Variants in NUP210L observed in about 807,000 individuals in gnomAD.
The protein encoded by NUP210L is nucleoporin 210 like, also known as nuclear pore membrane glycoprotein 210-like.
In NUP210L, 74 loss-of-function variants were observed where a neutral mutation model predicts 208.5. The ratio of observed to expected loss-of-function variants is 0.35; its 90% confidence interval spans 0.29 to 0.43. The LOEUF is 0.43. NUP210L is among the 20% of genes least tolerant of loss of function. NUP210L has a pLI of 1.00. For synonymous variants in NUP210L, 780 were observed against 816.9 expected (o/e 0.95, Z 0.77); for missense variants, 1,843 against 2,289.4 (o/e 0.81, Z 3.98).
At chr1:154,074,551 C>T (rs1258202486) in intron 16 of NUP210L, among the ~76,000 whole-genome samples, 4 of 149,286 alleles carry the variant, frequency 2.7e-5, no homozygotes, top group Admixed American at 6.7e-5. Context: ...TGCAGTGGCA[C>T]GATCTCGGCT....
At chr1:154,050,019 C>T (rs774433360) in intron 25 of NUP210L, among the ~76,000 whole-genome samples, 18 of 152,190 alleles carry the variant, frequency 1.2e-4, no homozygotes, top group African/African-American at 2.4e-4. Context: ...CTTATATGGA[C>T]GATATACTTT....
At chr1:154,009,790 C>A in intron 35 of NUP210L, among the ~76,000 whole-genome samples, 182 bp downstream of exon 35, 2 of 134,040 alleles carry the variant, frequency 1.5e-5, no homozygotes, top group African/African-American at 2.8e-5. Context: ...AAGACCCAGT[C>A]TCAAAAAAAA....
chr1:154,154,482 A>T (rs1322745882), intron 1 of NUP210L, among the ~76,000 whole-genome samples: 1 of 152,126 alleles, frequency 6.6e-6, no homozygotes, highest in Non-Finnish European at 1.5e-5. Context: ...AGTTGTTTAC[A>T]TTGGAAGTCA....
intron 15 of NUP210L, among the ~76,000 whole-genome samples, chr1:154,090,529 G>A (rs1402025038): frequency 6.6e-6 from 1 of 152,156 alleles, no homozygotes; most frequent in Non-Finnish European, 1.5e-5. Flanking sequence ...AATGGGCAAA[G>A]GCCCAGTGCG....
intron 12 of NUP210L, among the ~76,000 whole-genome samples, chr1:154,107,880 G>T (rs1656849790): frequency 6.6e-6 from 1 of 151,678 alleles, no homozygotes; most frequent in South Asian, 2.1e-4. Flanking sequence ...AAATAGAAAA[G>T]AAAGAAAATA....
At chr1:154,069,917 T>C (rs903811877) in intron 17 of NUP210L, among the ~76,000 whole-genome samples, 3 of 152,158 alleles carry the variant, frequency 2.0e-5, no homozygotes, top group Admixed American at 2.0e-4. Context: ...TGGATGAAGC[T>C]TGAAACCATC....
intron 23 of NUP210L, among the ~76,000 whole-genome samples, chr1:154,055,153 T>TTTC (rs1261154405): frequency 9.0e-6 from 1 of 110,988 alleles, no homozygotes; most frequent in African/African-American, 4.2e-5. Flanking sequence ...CTTTCTTTCT[T>TTTC]TCTTTCTTTC....
chr1:154,146,628 C>G (rs1253561352), intron 2 of NUP210L, among the ~76,000 whole-genome samples: 1 of 107,822 alleles, frequency 9.3e-6, no homozygotes, highest in African/African-American at 3.7e-5. Flanking sequence ...CTCCCCCCCC[C>G]ACCAAAAAAA....
At position 154,006,966 on chromosome 1, in the gene NUP210L, A is replaced by T. The variant is rs12734587; in HGVS notation, c.4930+3006T>A. Reference sequence around the variant, plus strand: ...TGTGTGTATATATATATATATATATATTTTTTTTTTTTTTTTAAATGGAGT... The same window carrying T: ...TGTGTGTATATATATATATATATATTTTTTTTTTTTTTTTTTAAATGGAGT... On this transcript the variant is annotated intron_variant, in intron 35 of 39. Coordinates refer to ENST00000368559, the Ensembl canonical transcript of NUP210L. Among the ~76,000 whole-genome samples, 846 of 115,784 alleles carry T rather than the reference A, an allele frequency of 7.3e-3. 2 individuals carry two copies. Among genetic ancestry groups the T allele is most frequent in the East Asian group, 0.013 (51 of 3,982 alleles). 76.0% of individuals were successfully genotyped at this position (115,784 alleles called of 152,430 possible). A position where few individuals can be genotyped will look rare whatever the true frequency, so the allele number is the denominator to read the frequency against.
intron 30 of NUP210L, 146 bp downstream of exon 30, chr1:154,025,396 C>A: frequency 4.6e-5 from 11 of 240,976 alleles, no homozygotes; most frequent in East Asian, 1.4e-4. Flanking sequence ...TCTCATGATA[C>A]AGAAGTTTCT....
chr1:154,010,163 G>T, intron 34 of NUP210L, 42 bp from the exon 35 acceptor site: 1 of 1,577,708 alleles, frequency 6.3e-7, no homozygotes, highest in Admixed American at 1.9e-5. Flanking sequence ...TCACTAACAA[G>T]AATTTGTAAA....
At chr1:153,994,882 G>A (rs1043043363) in intron 38 of NUP210L, among the ~76,000 whole-genome samples, 194 bp downstream of exon 38, 12 of 151,480 alleles carry the variant, frequency 7.9e-5, no homozygotes, top group African/African-American at 2.7e-4. Flanking sequence ...AGCAGTGGCC[G>A]GCGCCTGTAA....
intron 25 of NUP210L, among the ~76,000 whole-genome samples, chr1:154,046,664 C>T (rs1192517010): frequency 6.6e-6 from 1 of 152,160 alleles, no homozygotes; most frequent in Non-Finnish European, 1.5e-5. Context: ...ATCATTATGT[C>T]AAGTGAAATA....
intron 28 of NUP210L, among the ~76,000 whole-genome samples, chr1:154,028,833 G>A (rs566515385): frequency 2.6e-5 from 4 of 151,772 alleles, no homozygotes; most frequent in South Asian, 2.1e-4. Flanking sequence ...GGTAGCTCAC[G>A]TCTGTAATCC....
chr1:154,150,589 G>A (rs933317636), intron 2 of NUP210L, among the ~76,000 whole-genome samples: 8 of 151,184 alleles, frequency 5.3e-5, no homozygotes, highest in East Asian at 2.0e-4. Context: ...TTAGCCAGGC[G>A]TGGTGGCGCA....
intron 15 of NUP210L, among the ~76,000 whole-genome samples, chr1:154,093,828 C>T (rs1484348109): frequency 1.3e-5 from 2 of 152,100 alleles, no homozygotes; most frequent in African/African-American, 4.8e-5. Context: ...TGAATGAAAA[C>T]TATGCAAATC....
At chr1:154,120,339 A>G (rs1014907724) in intron 10 of NUP210L, among the ~76,000 whole-genome samples, 15 of 152,122 alleles carry the variant, frequency 9.9e-5, no homozygotes, top group Non-Finnish European at 2.1e-4. Context: ...GACATGGATG[A>G]AGCTGGAAAC....
chr1:153,993,363 G>C (rs996045977), intron 38 of NUP210L, among the ~76,000 whole-genome samples: 1 of 151,172 alleles, frequency 6.6e-6, no homozygotes, highest in African/African-American at 2.4e-5. Flanking sequence ...TCAGGAGATT[G>C]AGACCATCCT....
chr1:154,117,999 T>G lies in NUP210L; in HGVS notation c.1465-119A>C. The G allele has an allele frequency of 4.1e-6, 3 of 728,554 alleles. No individual in the cohort carries two copies. In the South Asian group the frequency reaches 5.8e-5, roughly 14 times the overall value. 45.1% of individuals were successfully genotyped at this position (728,554 alleles called of 1,614,324 possible). A position where few individuals can be genotyped will look rare whatever the true frequency, so the allele number is the denominator to read the frequency against. On this transcript the variant is annotated intron_variant, in intron 11 of 39. Coordinates refer to ENST00000368559, the Ensembl canonical transcript of NUP210L. ...ATAGTAACATAATATAATAAATTAT[T>G]TTTGGACACATTAGAAACTGTGACA... is the stretch of plus-strand genomic sequence containing the variant.
Sources: gnomAD v4.1 joint callset for allele counts (sites outside exome capture counted in the v4.1 genomes callset) on GRCh38, gnomAD v4.1.1 for gene constraint, MANE v1.5 for transcripts, NCBI Gene and HGNC (gene_info 2026-07-23, HGNC 2026-07-21) for gene names.